The following B4GALT6 variants were observed in gnomAD, a reference collection of about 807,000 sequenced individuals.
B4GALT6 encodes the protein UDP-Gal:beta-GlcNAc beta-1,4-galactosyltransferase 6.
B4GALT6 carries 14 observed loss-of-function variants against 46.3 expected under a neutral mutation model. The observed-to-expected ratio is 0.30, with a 90% CI of 0.20 to 0.47. The LOEUF is 0.47. Among genes scored for constraint, B4GALT6 ranks in the 20% least tolerant of loss-of-function variants. The pLI is 0.99. For synonymous variants in B4GALT6, 168 were observed against 162.0 expected (o/e 1.04, Z -0.28); for missense variants, 386 against 480.1 (o/e 0.80, Z 1.83).
chr18:31,702,490 G>C, the B4GALT6 span, among the ~76,000 whole-genome samples: 1 of 152,166 alleles, frequency 6.6e-6, no homozygotes, highest in Non-Finnish European at 1.5e-5. Flanking sequence ...TGACAGCTAA[G>C]CTCCAGAAAA....
At chr18:31,693,455 T>C in the B4GALT6 span, among the ~76,000 whole-genome samples, 68,765 of 152,076 alleles carry the variant, frequency 0.45, 18,195 homozygotes, top group South Asian at 0.68. Context: ...AAACAGCAAA[T>C]GGGAGATATA....
the B4GALT6 span, among the ~76,000 whole-genome samples, chr18:31,713,823 A>C: frequency 1.3e-5 from 2 of 152,232 alleles, no homozygotes; most frequent in Admixed American, 6.5e-5. Context: ...AGCAAAACAA[A>C]AGCAAAATAA....
the B4GALT6 span, among the ~76,000 whole-genome samples, chr18:31,712,907 C>T: frequency 3.9e-5 from 6 of 152,276 alleles, no homozygotes; most frequent in East Asian, 9.6e-4. Flanking sequence ...GAGATTAACC[C>T]AGAAATCATA....
intron 2 of B4GALT6, among the ~76,000 whole-genome samples, chr18:31,659,137 T>G (rs1437654209): frequency 6.6e-6 from 1 of 152,134 alleles, no homozygotes; most frequent in African/African-American, 2.4e-5. Flanking sequence ...TCACAAACAA[T>G]GTACTACAGA....
chr18:31,634,696 T>C (rs1342055168), intron 5 of B4GALT6, among the ~76,000 whole-genome samples: 1 of 152,232 alleles, frequency 6.6e-6, no homozygotes, highest in African/African-American at 2.4e-5. Context: ...ATTCCTGAGC[T>C]GCTCTTCAAC....
chr18:31,652,437 C>T (rs2074083375), intron 3 of B4GALT6, among the ~76,000 whole-genome samples: 1 of 152,094 alleles, frequency 6.6e-6, no homozygotes, highest in Admixed American at 6.6e-5. Context: ...CAGACACCAC[C>T]CTCTGGCTTC....
the B4GALT6 span, among the ~76,000 whole-genome samples, chr18:31,693,559 T>A: frequency 6.6e-6 from 1 of 152,182 alleles, no homozygotes; most frequent in East Asian, 1.9e-4. Context: ...CAAAAGATCC[T>A]AAGTGCAGTA....
intron 2 of B4GALT6, among the ~76,000 whole-genome samples, chr18:31,662,709 C>T (rs1240714009): frequency 6.6e-6 from 1 of 152,084 alleles, no homozygotes; most frequent in Non-Finnish European, 1.5e-5. Flanking sequence ...GGCATGGTGG[C>T]GGGCGCCTGT....
chr18:31,667,022 CA>C (rs2074291039), intron 1 of B4GALT6, among the ~76,000 whole-genome samples: 1 of 152,146 alleles, frequency 6.6e-6, no homozygotes, highest in African/African-American at 2.4e-5. Flanking sequence ...TAATTATTCA[CA>C]ATAAGTGCTT....
chr18:31,698,757 A>T, the B4GALT6 span, among the ~76,000 whole-genome samples: 1 of 152,136 alleles, frequency 6.6e-6, no homozygotes, highest in South Asian at 2.1e-4. Flanking sequence ...TCCAAGCAAA[A>T]AAAGGTCAGC....
chr18:31,629,711 G>A lies in B4GALT6; in HGVS notation c.776+1248C>T, dbSNP rs745444107. On this transcript the variant is annotated intron_variant, in intron 6 of 8. Coordinates refer to ENST00000306851, the MANE Select transcript of B4GALT6 (RefSeq NM_004775.5). ...AAAAATACAAAAAAATTAGCCAGGC[G>A]TGGTGGCAGGCGCCTGTAGTCCCAG... Among the ~76,000 whole-genome samples, 47 of 150,540 alleles carry A rather than the reference G, an allele frequency of 3.1e-4. 1 individual carries two copies. Among genetic ancestry groups the A allele is most frequent in the Middle Eastern group, 3.4e-3 (1 of 292 alleles).
At position 31,637,559 on chromosome 18, in the gene B4GALT6, C is replaced by T. The variant is rs1015990642; in HGVS notation, c.588+1085G>A. On this transcript the variant is annotated intron_variant, in intron 5 of 8. Coordinates refer to ENST00000306851, the MANE Select transcript of B4GALT6 (RefSeq NM_004775.5). ...GACAGAAAATGTTTAATGTATACTA[C>T]TTTTTGTTTTTAGGTTTACTAACTG... Among the ~76,000 whole-genome samples, 14 of 152,174 alleles carry T rather than the reference C, an allele frequency of 9.2e-5. No individual in the cohort carries two copies. In the East Asian group the frequency reaches 2.7e-3, roughly 29 times the overall value.
the B4GALT6 span, among the ~76,000 whole-genome samples, chr18:31,709,055 T>C: frequency 6.6e-6 from 1 of 152,208 alleles, no homozygotes; most frequent in Non-Finnish European, 1.5e-5. Flanking sequence ...CTGTGTGACC[T>C]TTGATATGTC....
chr18:31,719,775 C>T, the B4GALT6 span, among the ~76,000 whole-genome samples: 6 of 152,202 alleles, frequency 3.9e-5, no homozygotes, highest in Non-Finnish European at 8.8e-5. Context: ...AAGTGAGTTT[C>T]TCTTGCCGTC....
At position 31,640,312 on chromosome 18, in the gene B4GALT6, A is replaced by G. The variant is rs534463212; in HGVS notation, c.472-1552T>C. Among the ~76,000 whole-genome samples the G allele has an allele frequency of 2.0e-5, 3 of 152,342 alleles. No homozygotes were observed. In the South Asian group the frequency reaches 6.2e-4, roughly 32 times the overall value. On this transcript the variant is annotated intron_variant, in intron 4 of 8. Transcript: ENST00000306851. Reference sequence around the variant, plus strand: ...TTAAGTTTTGCACCTAATCCTTTTAAAATCAGGACATGATATTAGATATCA... The same window carrying G: ...TTAAGTTTTGCACCTAATCCTTTTAGAATCAGGACATGATATTAGATATCA...
At chr18:31,669,879 A>C (rs1305877343) in intron 1 of B4GALT6, among the ~76,000 whole-genome samples, 1 of 152,214 alleles carries the variant, frequency 6.6e-6, no homozygotes, top group East Asian at 1.9e-4. Flanking sequence ...CTGTGAAAAG[A>C]AAACCTGCCA....
rs148730223 is a variant in B4GALT6 at position 31,630,294 on chromosome 18, A to G, written c.776+665T>C. Among the ~76,000 whole-genome samples, 402 of 152,298 alleles carry G rather than the reference A, an allele frequency of 2.6e-3. 1 individual carries two copies. Among genetic ancestry groups the G allele is most frequent in the African/African-American group, 9.3e-3 (387 of 41,564 alleles). On this transcript the variant is annotated intron_variant, in intron 6 of 8. Transcript: ENST00000306851. ...TTTTCTCTCTACTCCCATTAGGCCAATGAAAACTGTGATCCTTTTCCCATA... is the reference window on the plus strand; with the variant it reads ...TTTTCTCTCTACTCCCATTAGGCCAGTGAAAACTGTGATCCTTTTCCCATA...
At chr18:31,645,550 T>A (rs998341121) in intron 3 of B4GALT6, 71 bp from the exon 4 acceptor site, 1 of 1,482,216 alleles carries the variant, frequency 6.7e-7, no homozygotes, top group African/African-American at 1.4e-5. Flanking sequence ...CAAATAATAA[T>A]CAGCAGGGTG....
At chr18:31,690,311 A>G (rs1392051273), upstream of B4GALT6, among the ~76,000 whole-genome samples, 5 of 150,612 alleles carry the variant, frequency 3.3e-5, no homozygotes, top group Middle Eastern at 3.4e-3. Context: ...TTTTATTTTT[A>G]GTAGAGACAG....
Sources: allele counts gnomAD v4.1 joint callset (sites outside exome capture counted in the v4.1 genomes callset), GRCh38; gene constraint gnomAD v4.1.1; transcripts MANE v1.5; gene names NCBI Gene and HGNC (gene_info 2026-07-23, HGNC 2026-07-21).